HTR4: variants seen among roughly 807,000 people sequenced by gnomAD.
HTR4 encodes the protein 5-hydroxytryptamine receptor 4, also known as 5-hydroxytryptamine (serotonin) receptor 4, G protein-coupled.
A neutral mutation model predicts 36.8 loss-of-function variants in HTR4; 16 were observed. The ratio of observed to expected loss-of-function variants is 0.43; its 90% CI spans 0.29 to 0.66. The LOEUF is 0.66. Ranked by LOEUF, HTR4 falls within the 30% of genes least tolerant of loss-of-function variation. The pLI is 0.13. For missense variants in HTR4, 438 were observed against 490.9 expected (o/e 0.89, Z 1.02); for synonymous variants, 189 against 185.1 (o/e 1.02, Z -0.17).
downstream of HTR4, among the ~76,000 whole-genome samples, chr5:148,480,956 A>T (rs1386045435): frequency 6.6e-6 from 1 of 152,232 alleles, no homozygotes; most frequent in Admixed American, 6.5e-5. Flanking sequence ...AACTTTGTGA[A>T]GTAGGCAAGA....
At chr5:148,451,048 T>C in exon 6 of HTR4, 2 of 1,459,684 alleles carry the variant, frequency 1.4e-6, no homozygotes, top group Admixed American at 1.9e-5. Flanking sequence ...CTGTCCTCCA[T>C]GTACCTCCTC....
chr5:148,653,643 G>C (rs951685715), intron 1 of HTR4, among the ~76,000 whole-genome samples: 1 of 151,384 alleles, frequency 6.6e-6, no homozygotes. Flanking sequence ...CACACTCTGG[G>C]CTGCACATCA....
rs574483746 is a variant in HTR4 at position 148,500,087 on chromosome 5, G to A, written c.1076+9369C>T. On this transcript the variant is annotated intron_variant, in intron 6 of 6. Transcript: ENST00000377888. ...TATTCATTTATAGCAACACAAAATG[G>A]GCCAATACAGGGGGTAAGTGTATAG... Among the ~76,000 whole-genome samples the A allele has an allele frequency of 2.0e-5, 3 of 152,146 alleles. No homozygotes were observed. In the South Asian group the frequency reaches 6.2e-4, roughly 32 times the overall value.
At chr5:148,631,439 G>A (rs1233949756) in intron 2 of HTR4, among the ~76,000 whole-genome samples, 2 of 152,102 alleles carry the variant, frequency 1.3e-5, no homozygotes, top group African/African-American at 2.4e-5. Flanking sequence ...CTGACTGCCA[G>A]GTTACAAACA....
chr5:148,627,557 A>G (rs1419012440), intron 2 of HTR4, among the ~76,000 whole-genome samples: 1 of 152,254 alleles, frequency 6.6e-6, no homozygotes, highest in Non-Finnish European at 1.5e-5. Context: ...AGGTATGATT[A>G]GTATTGAACA....
intron 4 of HTR4, among the ~76,000 whole-genome samples, chr5:148,528,424 G>T (rs1364786902): frequency 6.6e-6 from 1 of 152,010 alleles, no homozygotes; most frequent in Non-Finnish European, 1.5e-5. Flanking sequence ...TGAGGCAGCA[G>T]CCCTAAATAA....
chr5:148,509,384 A>C, intron 6 of HTR4, 72 bp downstream of exon 6: 1 of 1,188,400 alleles, frequency 8.4e-7, no homozygotes. Flanking sequence ...CTTTGGAAAC[A>C]GAAAACTGGA....
chr5:148,637,001 T>C lies in HTR4; in HGVS notation c.14A>G (p.Asp5Gly). 6.2e-7 allele frequency: 1 copy of C among 1,604,988 alleles called. No homozygotes were observed. The highest frequency in any genetic ancestry group is 1.7e-5 in the Admixed American group (1 of 59,882). The change falls in exon 2 of 7, where the codon GAT becomes GGT. Residue 5 changes from aspartate (D) to glycine (G), a missense_variant. By Grantham distance (94) the Asp-to-Gly change is moderately conservative (BLOSUM62 -1). Transcript: ENST00000377888. Reference protein sequence around the residue: MDKLDANVSSEEGFG... With the variant: MDKLGANVSSEEGFG... ...AAAGGTAACATACCTCACATTAGCATCAAGTTTGTCCATTACAGGAAATAA... is the reference window on the plus strand; with the variant it reads ...AAAGGTAACATACCTCACATTAGCACCAAGTTTGTCCATTACAGGAAATAA...
intron 4 of HTR4, among the ~76,000 whole-genome samples, chr5:148,533,635 G>A (rs1045916024): frequency 6.6e-6 from 1 of 152,184 alleles, no homozygotes; most frequent in African/African-American, 2.4e-5. Flanking sequence ...CAGAATTGGA[G>A]GAGATAGTAG....
chr5:148,558,470 T>G (rs1466416466), intron 2 of HTR4, among the ~76,000 whole-genome samples: 1 of 152,176 alleles, frequency 6.6e-6, no homozygotes, highest in African/African-American at 2.4e-5. Flanking sequence ...GAGATGTAAA[T>G]GAAAGATACT....
chr5:148,490,696 G>T (rs747600360), intron 6 of HTR4: 20 of 1,209,948 alleles, frequency 1.7e-5, no homozygotes, highest in Non-Finnish European at 2.1e-5. Flanking sequence ...TCATCCAATT[G>T]TCTCCTTCAA....
rs1249565100 is a variant in HTR4, at chr5:148,482,370, C to T, written c.*833G>A. ...GCCCTGCCCAAGGCTTTTTAGAAGA[C>T]GTCCCGTTCTAGCCCAGCAGGAGAG... On this transcript the variant is annotated 3_prime_UTR_variant, in exon 7 of 7. Transcript: ENST00000377888. 1 of 985,530 alleles carries T rather than the reference C, an allele frequency of 1.0e-6. No individual in the cohort carries two copies. Among genetic ancestry groups the T allele is most frequent in the African/African-American group, 1.7e-5 (1 of 57,364 alleles). The allele number at this position is 985,530 out of a possible 1,614,324, so 61.0% of individuals were successfully genotyped here.
chr5:148,634,133 T>C (rs1017627435), intron 2 of HTR4, among the ~76,000 whole-genome samples: 3 of 152,204 alleles, frequency 2.0e-5, no homozygotes, highest in African/African-American at 7.2e-5. Flanking sequence ...AGGACCACTC[T>C]GTCTCTTGAC....
At chr5:148,537,111 A>C (rs1001094683) in intron 4 of HTR4, among the ~76,000 whole-genome samples, 1 of 152,236 alleles carries the variant, frequency 6.6e-6, no homozygotes, top group African/African-American at 2.4e-5. Context: ...ATTACATGGA[A>C]ATTAAAAAAT....
At chr5:148,451,134 C>T (rs201133383) in exon 6 of HTR4, 2 of 1,611,558 alleles carry the variant, frequency 1.2e-6, no homozygotes, top group Non-Finnish European at 1.7e-6. Flanking sequence ...GTGACCTGTT[C>T]ATGCAAACAT....
intron 6 of HTR4, among the ~76,000 whole-genome samples, chr5:148,503,249 C>T (rs1375762864): frequency 6.6e-6 from 1 of 152,168 alleles, no homozygotes; most frequent in African/African-American, 2.4e-5. Flanking sequence ...AGAGAAAGGT[C>T]AGGTTACCCA....
intron 1 of HTR4, among the ~76,000 whole-genome samples, chr5:148,641,476 A>G (rs1753727615): frequency 6.6e-6 from 1 of 152,228 alleles, no homozygotes; most frequent in African/African-American, 2.4e-5. Flanking sequence ...ATGGGCGAGG[A>G]GTTAAGCAAA....
intron 4 of HTR4, among the ~76,000 whole-genome samples, chr5:148,536,459 A>G (rs1216454967): frequency 6.6e-6 from 1 of 152,022 alleles, no homozygotes; most frequent in African/African-American, 2.4e-5. Flanking sequence ...TTAAAAAAAA[A>G]AAGTGTGACC....
At chr5:148,555,239 A>G (rs1305110953) in intron 2 of HTR4, among the ~76,000 whole-genome samples, 1 of 152,074 alleles carries the variant, frequency 6.6e-6, no homozygotes, top group Non-Finnish European at 1.5e-5. Context: ...CCACCACCAT[A>G]AGAATAATCT....
Sources: allele counts gnomAD v4.1 joint callset (sites outside exome capture counted in the v4.1 genomes callset), GRCh38; gene constraint gnomAD v4.1.1; transcripts MANE v1.5; gene names NCBI Gene and HGNC (gene_info 2026-07-23, HGNC 2026-07-21).